UBE2J2: variants seen among roughly 807,000 people sequenced by gnomAD.
UBE2J2 encodes the protein ubiquitin conjugating enzyme E2 J2.
In UBE2J2, 5 loss-of-function variants were observed where a neutral mutation model predicts 28.6. That is an observed-to-expected ratio of 0.17 (90% CI 0.09 to 0.37). The LOEUF (loss-of-function observed/expected upper bound fraction) is 0.37, where lower values mean the gene tolerates loss of function less well. Ranked by LOEUF, UBE2J2 falls within the 10% of genes least tolerant of loss-of-function variation. The pLI is 1.00. For missense variants in UBE2J2, 226 were observed against 338.9 expected (o/e 0.67, Z 2.62); for synonymous variants, 138 against 139.7 (o/e 0.99, Z 0.09).
At chr1:1,273,362 G>C (rs1360964981) in intron 1 of UBE2J2, 1 of 152,236 alleles carries the variant, frequency 6.6e-6, no homozygotes, top group East Asian at 1.9e-4. Flanking sequence ...AGACTCCCGT[G>C]ATCCACTGAC....
chr1:1,266,482 C>T (rs912078841), intron 2 of UBE2J2, among the ~76,000 whole-genome samples: 5 of 151,758 alleles, frequency 3.3e-5, no homozygotes, highest in African/African-American at 4.8e-5. Flanking sequence ...GCCGAGATCA[C>T]GCCATTGCAC....
At chr1:1,258,040 T>C (rs1639313049) in intron 3 of UBE2J2, among the ~76,000 whole-genome samples, 1 of 151,956 alleles carries the variant, frequency 6.6e-6, no homozygotes, top group African/African-American at 2.4e-5. Context: ...TTTTTTTGTT[T>C]TGTTTTGTTT....
intron 2 of UBE2J2, chr1:1,263,668 TTAATAA>T (rs982091819): frequency 3.1e-6 from 1 of 319,850 alleles, no homozygotes; most frequent in Admixed American, 4.2e-5. Context: ...GAAGCTCATC[TTAATAA>T]TAACTGAAAT....
At chr1:1,257,407 C>CCCGG in intron 3 of UBE2J2, 97 bp from the exon 4 acceptor site, 2 of 554,636 alleles carry the variant, frequency 3.6e-6, no homozygotes, top group Middle Eastern at 4.6e-4. Flanking sequence ...CCCCCCCCCC[C>CCCGG]CTCAGCTCGG....
At chr1:1,266,176 C>T in intron 2 of UBE2J2, 1 of 1,298,804 alleles carries the variant, frequency 7.7e-7, no homozygotes, top group Admixed American at 2.3e-5. Flanking sequence ...GGGGCTCCGC[C>T]TCACCCTGGG....
intron 5 of UBE2J2, 199 bp from the exon 6 acceptor site, chr1:1,256,324 T>G (rs1249251384): frequency 1.9e-6 from 1 of 513,850 alleles, no homozygotes; most frequent in Non-Finnish European, 3.5e-6. Context: ...GATATCACAC[T>G]TGATTCCTAT....
At position 1,268,109 on chromosome 1, in the gene UBE2J2, C is replaced by G; in HGVS notation, c.1-117G>C. ...GCCATTCATTCAGGGCCCGGTCACC[C>G]AGAGTCACAGCTCACAGGTCACCCT... is the stretch of plus-strand genomic sequence containing the variant. On this transcript the variant is annotated intron_variant, in intron 1 of 6. Coordinates refer to ENST00000349431, the MANE Select transcript of UBE2J2 (RefSeq NM_058167.3). This position sits in a 1 kb window ranked among gnomAD's most constrained non-coding sequence, Gnocchi z 4.7. The G allele has an allele frequency of 7.1e-7, 1 of 1,402,190 alleles. No individual in the cohort carries two copies. The highest frequency in any genetic ancestry group is 1.2e-5 in the South Asian group (1 of 80,096). 86.9% of individuals were successfully genotyped at this position (1,402,190 alleles called of 1,614,324 possible). A position where few individuals can be genotyped will look rare whatever the true frequency, so the allele number is the denominator to read the frequency against.
In UBE2J2 at chr1:1,254,338, C is replaced by A. The variant is rs1373924213; in HGVS notation, c.*865G>T. On this transcript the variant is annotated 3_prime_UTR_variant, in exon 7 of 7. Coordinates refer to ENST00000349431, the MANE Select transcript of UBE2J2 (RefSeq NM_058167.3). Reference sequence around the variant, plus strand: ...AGGGGGCACGGGATGTGAGGGAGGCCCCCGAGTGCACGGGGCCTTCTGCAG... The same window carrying A: ...AGGGGGCACGGGATGTGAGGGAGGCACCCGAGTGCACGGGGCCTTCTGCAG... 1 of 152,276 alleles carries A rather than the reference C, an allele frequency of 6.6e-6. No individual in the cohort carries two copies. The highest frequency in any genetic ancestry group is 1.5e-5 in the Non-Finnish European group (1 of 68,058). 9.4% of individuals were successfully genotyped at this position (152,276 alleles called of 1,614,324 possible). A position where few individuals can be genotyped will look rare whatever the true frequency, so the allele number is the denominator to read the frequency against.
At chr1:1,258,937 G>C (rs945706005) in intron 3 of UBE2J2, among the ~76,000 whole-genome samples, 3 of 152,256 alleles carry the variant, frequency 2.0e-5, no homozygotes, top group African/African-American at 4.8e-5. Context: ...CCCAACCAGA[G>C]GACCACAAGT....
In UBE2J2 at chr1:1,268,782, A is replaced by G. The variant is rs1640005881; in HGVS notation, c.1-790T>C. Among the ~76,000 whole-genome samples the G allele has an allele frequency of 2.6e-5, 4 of 151,922 alleles. No homozygotes were observed. In the South Asian group the frequency reaches 8.3e-4, roughly 31 times the overall value. ...GGCCTTGACCACCTCGGCTCAAGCA[A>G]TCCTCCCACCTCAGCCTCCTGAGTA... On this transcript the variant is annotated intron_variant, in intron 1 of 6. Coordinates refer to ENST00000349431, the MANE Select transcript of UBE2J2 (RefSeq NM_058167.3). This position sits in a 1 kb window ranked among gnomAD's most constrained non-coding sequence, Gnocchi z 4.7.
intron 3 of UBE2J2, among the ~76,000 whole-genome samples, chr1:1,257,819 G>A (rs1191181274): frequency 2.0e-5 from 3 of 151,700 alleles, no homozygotes; most frequent in Non-Finnish European, 2.9e-5. Flanking sequence ...CCAGCAAAAC[G>A]CACCTCAAAC....
intron 5 of UBE2J2, 69 bp from the exon 6 acceptor site, chr1:1,256,194 G>T: frequency 5.8e-6 from 7 of 1,214,070 alleles, no homozygotes; most frequent in South Asian, 1.2e-5. Context: ...AAAAACAGAT[G>T]ATTTCAAAGT....
chr1:1,258,284 G>A (rs932260072), intron 3 of UBE2J2, among the ~76,000 whole-genome samples: 2 of 151,736 alleles, frequency 1.3e-5, no homozygotes, highest in African/African-American at 2.4e-5. Flanking sequence ...CTCATGATCC[G>A]CCCGCCTCGG....
chr1:1,257,893 C>T (rs1639304010), intron 3 of UBE2J2, among the ~76,000 whole-genome samples: 1 of 152,072 alleles, frequency 6.6e-6, no homozygotes, highest in Non-Finnish European at 1.5e-5. Context: ...GACCTGATCC[C>T]CTGGATTCGG....
chr1:1,256,361 A>C, intron 5 of UBE2J2: 1 of 429,116 alleles, frequency 2.3e-6, no homozygotes, highest in Non-Finnish European at 4.2e-6. Context: ...CAAGCCACCA[A>C]AGCACCGGGC....
chr1:1,262,850 G>C (rs1043060007), intron 3 of UBE2J2: 1 of 172,314 alleles, frequency 5.8e-6, no homozygotes, highest in African/African-American at 2.4e-5. Flanking sequence ...CTTGGTAGTC[G>C]ATGAAGGGCT....
At chr1:1,269,436 C>G (rs1640038452) in intron 1 of UBE2J2, among the ~76,000 whole-genome samples, 1 of 151,588 alleles carries the variant, frequency 6.6e-6, no homozygotes, top group Non-Finnish European at 1.5e-5. Context: ...CCTGCTGCAT[C>G]AGACTAGCTC....
chr1:1,266,316 G>T (rs1639859292), intron 2 of UBE2J2: 4 of 571,344 alleles, frequency 7.0e-6, no homozygotes, highest in Non-Finnish European at 7.8e-6. Context: ...ATTAGGCCAG[G>T]CATGGTGGCT....
intron 6 of UBE2J2, 110 bp downstream of exon 6, chr1:1,255,935 T>C: frequency 1.2e-6 from 1 of 815,694 alleles, no homozygotes. Flanking sequence ...AGAGGAGCCA[T>C]CCCCTGGGGA....
Sources: allele counts gnomAD v4.1 joint callset (sites outside exome capture counted in the v4.1 genomes callset), GRCh38; gene constraint gnomAD v4.1.1; non-coding constraint Gnocchi (gnomAD v3.1); transcripts MANE v1.5; gene names NCBI Gene and HGNC (gene_info 2026-07-23, HGNC 2026-07-21).